Variants in DHX35 observed in about 807,000 individuals in gnomAD.
DHX35 encodes the protein DEAH-box helicase 35, also known as probable ATP-dependent RNA helicase DHX35.
A neutral mutation model predicts 99.6 loss-of-function variants in DHX35; 84 were observed. That is an observed-to-expected ratio of 0.84 (90% CI 0.71 to 1.01). DHX35 has a LOEUF of 1.01. DHX35 is among the 50% of genes least tolerant of loss of function. DHX35 has a pLI of 0.00. For synonymous variants in DHX35, 331 were observed against 316.2 expected (o/e 1.05, Z -0.50); for missense variants, 852 against 888.5 (o/e 0.96, Z 0.52).
At chr20:39,004,973 C>T (rs2086589027) in intron 11 of DHX35, among the ~76,000 whole-genome samples, 1 of 152,200 alleles carries the variant, frequency 6.6e-6, no homozygotes, top group East Asian at 1.9e-4. Context: ...GGATTCTGCC[C>T]CTGAGCTACT....
intron 4 of DHX35, among the ~76,000 whole-genome samples, chr20:38,987,021 T>G (rs550479132): frequency 2.6e-5 from 4 of 152,268 alleles, no homozygotes; most frequent in African/African-American, 9.6e-5. Context: ...AGCAGTAAGC[T>G]CTGTCTCAGG....
At chr20:39,028,614 T>A in intron 19 of DHX35, 115 bp downstream of exon 19, 1 of 1,178,528 alleles carries the variant, frequency 8.5e-7, no homozygotes, top group Middle Eastern at 2.0e-4. Flanking sequence ...ATTTCTACCA[T>A]GTCTCCTTCC....
At chr20:39,033,437 G>T (rs1477969402) in intron 20 of DHX35, among the ~76,000 whole-genome samples, 2 of 152,130 alleles carry the variant, frequency 1.3e-5, no homozygotes, top group Non-Finnish European at 2.9e-5. Context: ...ATACCATTCA[G>T]GTGGCAAAGA....
Position 39,010,341 on chromosome 20 carries a change from A to G in DHX35, c.1284A>G (p.Ala428=), listed in dbSNP as rs2086682583. ...TVPEMQRSNL[A]PVILQLKALG... is the part of the protein sequence containing the mutation. The stretch of plus-strand genomic sequence containing the variant: ...CTGAGATGCAGCGTAGTAATTTGGC[A>G]CCTGTCATCCTGCAGCTGAAAGCAC... The change falls in exon 13 of 22, where the codon GCA becomes GCG. Residue 428 remains alanine, a synonymous_variant. Transcript: ENST00000252011. 6.2e-7 allele frequency: 1 copy of G among 1,614,014 alleles called. No homozygotes were observed. The highest frequency in any genetic ancestry group is 8.5e-7 in the Non-Finnish European group (1 of 1,180,018).
chr20:39,007,246 G>T (rs1284736758), intron 12 of DHX35, among the ~76,000 whole-genome samples: 1 of 152,110 alleles, frequency 6.6e-6, no homozygotes, highest in African/African-American at 2.4e-5. Flanking sequence ...CTTTCTTTTA[G>T]CAGATGTTTG....
At chr20:39,030,922 G>T (rs2087039976) in intron 20 of DHX35, 147 bp downstream of exon 20, 2 of 818,588 alleles carry the variant, frequency 2.4e-6, no homozygotes, top group South Asian at 3.4e-5. Flanking sequence ...CAGCACTTTG[G>T]GAGGCCAATG....
rs59298424 is a variant in DHX35, at chr20:39,027,676, A to G, written c.1802-742A>G. ...TGGATCTAAGATACCATCATGTGTA[A>G]GAAACATCGTTATTTTATGTGTCAC... On this transcript the variant is annotated intron_variant, in intron 18 of 21. Transcript: ENST00000252011. 8.5e-3 allele frequency among the ~76,000 whole-genome samples: 1,299 copies of G among 152,344 alleles called. 20 individuals carry two copies. Among genetic ancestry groups the G allele is most frequent in the African/African-American group, 0.03 (1,238 of 41,582 alleles).
chr20:38,991,517 TA>T lies in DHX35; in HGVS notation c.512+5del. The stretch of plus-strand genomic sequence containing the variant: ...TGATCCGTTGTTAACAAAATATAGG[TA>T]AATGTGTTTTTCTTATGATAGCTTT... On this transcript the variant is annotated splice_donor_region_variant and intron_variant, in intron 6 of 21. Coordinates refer to ENST00000252011, the MANE Select transcript of DHX35 (RefSeq NM_021931.4). The T allele has an allele frequency of 6.2e-7, 1 of 1,612,594 alleles. No individual in the cohort carries two copies. The highest frequency in any genetic ancestry group is 1.3e-5 in the African/African-American group (1 of 74,950).
intron 3 of DHX35, among the ~76,000 whole-genome samples, chr20:38,975,787 CT>C (rs2086066439): frequency 6.6e-6 from 1 of 152,200 alleles, no homozygotes; most frequent in African/African-American, 2.4e-5. Flanking sequence ...TTATGAGGCA[CT>C]TGTTGATCTT....
At chr20:38,980,609 C>G (rs1196702055) in intron 3 of DHX35, among the ~76,000 whole-genome samples, 1 of 148,838 alleles carries the variant, frequency 6.7e-6, no homozygotes, top group African/African-American at 2.5e-5. Flanking sequence ...ATAGCAAAAA[C>G]CCTACATTAT....
intron 8 of DHX35, among the ~76,000 whole-genome samples, chr20:38,995,669 A>G (rs2086418002): frequency 6.6e-6 from 1 of 152,174 alleles, no homozygotes; most frequent in Non-Finnish European, 1.5e-5. Context: ...CACTTACTAT[A>G]TTTACATGCA....
At chr20:38,988,648 A>G (rs777147116) in intron 4 of DHX35, 165 bp from the exon 5 acceptor site, 29 of 959,646 alleles carry the variant, frequency 3.0e-5, no homozygotes, top group Non-Finnish European at 4.1e-5. Context: ...TAATAATAAA[A>G]ATTGCAAAAG....
intron 8 of DHX35, among the ~76,000 whole-genome samples, chr20:38,999,082 G>A (rs1055536552): frequency 2.6e-5 from 4 of 152,194 alleles, no homozygotes; most frequent in Non-Finnish European, 4.4e-5. Flanking sequence ...ATGAGCCACC[G>A]CATCCGGCCG....
chr20:39,003,926 CCAAGGGTGTTGG>C lies in DHX35; in HGVS notation c.1011+22_1011+33del. Reference sequence around the variant, plus strand: ...CAGAAAGGTGAGACTATCCTGATGACCAAGGGTGTTGGCAGCCGTCTATAATCATAATGATGC... The same window carrying C: ...CAGAAAGGTGAGACTATCCTGATGACCAGCCGTCTATAATCATAATGATGC... On this transcript the variant is annotated intron_variant, in intron 11 of 21. Coordinates refer to ENST00000252011, the MANE Select transcript of DHX35 (RefSeq NM_021931.4). 1.9e-6 allele frequency: 3 copies of C among 1,611,144 alleles called. No homozygotes were observed. The South Asian group carries it at 3.3e-5, about 18-fold the overall frequency.
chr20:38,976,940 C>T (rs2086088822), intron 3 of DHX35, among the ~76,000 whole-genome samples: 1 of 152,086 alleles, frequency 6.6e-6, no homozygotes, highest in Admixed American at 6.6e-5. Flanking sequence ...GGATTTCATT[C>T]TTTTTTATGA....
intron 14 of DHX35, among the ~76,000 whole-genome samples, chr20:39,016,210 G>C (rs2086783497): frequency 1.3e-5 from 2 of 152,126 alleles, no homozygotes; most frequent in South Asian, 4.1e-4. Flanking sequence ...GAGAAACAGA[G>C]GAAGCCAGGC....
In DHX35 at chr20:38,988,876, C is replaced by A; in HGVS notation, c.409C>A (p.Arg137Ser). The change falls in exon 5 of 22, where the codon CGC becomes AGC. Residue 137 changes from arginine (R) to serine (S), a missense_variant. By Grantham distance (110) the Arg-to-Ser change is moderately radical. Coordinates refer to ENST00000252011, the MANE Select transcript of DHX35 (RefSeq NM_021931.4). ...VLGHEVGYCI[R>S]FDDCTDQLAT... ...GGGCCACGAGGTGGGCTACTGCATC[C>A]GCTTTGATGACTGCACCGACCAGCT... The A allele has an allele frequency of 6.2e-7, 1 of 1,613,738 alleles. No homozygotes were observed. The highest frequency in any genetic ancestry group is 8.5e-7 in the Non-Finnish European group (1 of 1,179,826).
In DHX35 at chr20:39,023,719, G is replaced by A. The variant is rs2086907697; in HGVS notation, c.1623G>A (p.Glu541=). The stretch of plus-strand genomic sequence containing the variant: ...GAGTGCACCGTAAATTTGCTGTGGA[G>A]GAGGGCGACCACCTCACTATGCTCA... ...AIRVHRKFAV[E]EGDHLTMLNI... is the part of the protein sequence containing the mutation. The change falls in exon 17 of 22, where the codon GAG becomes GAA. Residue 541 remains glutamate, a synonymous_variant. Transcript: ENST00000252011. The A allele has an allele frequency of 6.2e-7, 1 of 1,614,052 alleles. No homozygotes were observed. The highest frequency in any genetic ancestry group is 8.5e-7 in the Non-Finnish European group (1 of 1,179,976).
chr20:39,013,650 C>A (rs1361842998), intron 13 of DHX35, among the ~76,000 whole-genome samples: 1 of 152,172 alleles, frequency 6.6e-6, no homozygotes, highest in Non-Finnish European at 1.5e-5. Context: ...TGTTAAAAGC[C>A]TAGTTCAGAG....
Sources: allele counts gnomAD v4.1 joint callset (sites outside exome capture counted in the v4.1 genomes callset), GRCh38; gene constraint gnomAD v4.1.1; transcripts MANE v1.5; gene names NCBI Gene and HGNC (gene_info 2026-07-23, HGNC 2026-07-21).